Variants in EPB41L3 observed in about 807,000 individuals in gnomAD.
EPB41L3 encodes erythrocyte membrane protein band 4.1 like 3, also known as band 4.1-like protein 3.
Under a neutral mutation model 127.1 loss-of-function variants are expected in EPB41L3, and 57 were observed. The observed-to-expected ratio is 0.45, with a 90% confidence interval of 0.36 to 0.56. EPB41L3 has a LOEUF of 0.56. Among genes scored for constraint, EPB41L3 ranks in the 20% least tolerant of loss-of-function variants. The pLI is 0.00. For missense variants in EPB41L3, 1,273 were observed against 1,372.2 expected, an observed-to-expected ratio of 0.93 and a Z score of 1.14; for synonymous variants, 572 against 549.5, an observed-to-expected ratio of 1.04 and a Z score of -0.57.
chr18:5,596,172 C>G (rs990263064), intron 3 of EPB41L3, among the ~76,000 whole-genome samples: 4 of 152,184 alleles, frequency 2.6e-5, no homozygotes, highest in Non-Finnish European at 5.9e-5. Flanking sequence ...AGCCATATGA[C>G]TTCTGAGAAT....
rs192794254 is a variant in EPB41L3 at position 5,415,185 on chromosome 18, T to C, written c.2067+633A>G. 1.2e-3 allele frequency among the ~76,000 whole-genome samples: 177 copies of C among 152,370 alleles called. 2 individuals are homozygous for C. The highest frequency in any genetic ancestry group is 4.0e-3 in the African/African-American group (166 of 41,592). The stretch of plus-strand genomic sequence containing the variant: ...TGCATGCCGTTGCTTCTGGGCTTGT[T>C]TCTGCCCTTACCAATGGCTGATGTC... On this transcript the variant is annotated intron_variant, in intron 13 of 22. Coordinates refer to ENST00000341928, the MANE Select transcript of EPB41L3 (RefSeq NM_012307.5).
chr18:5,581,660 C>T (rs1250643617), intron 3 of EPB41L3, among the ~76,000 whole-genome samples: 1 of 152,154 alleles, frequency 6.6e-6, no homozygotes, highest in East Asian at 1.9e-4. Context: ...TGCCTTATTC[C>T]ATCAAACATA....
At chr18:5,497,025 T>C (rs1598332725) in intron 1 of EPB41L3, among the ~76,000 whole-genome samples, 1 of 152,004 alleles carries the variant, frequency 6.6e-6, no homozygotes, top group African/African-American at 2.4e-5. Flanking sequence ...GAAGGAAAAA[T>C]TTAACCAGTG....
intron 16 of EPB41L3, among the ~76,000 whole-genome samples, 176 bp downstream of exon 16, chr18:5,406,601 T>C (rs1252002349): frequency 6.6e-6 from 1 of 152,196 alleles, no homozygotes; most frequent in African/African-American, 2.4e-5. Context: ...CCTCAGCCAC[T>C]TTAACCATTT....
At chr18:5,567,154 C>T (rs2094217652) in intron 3 of EPB41L3, 1 of 152,178 alleles carries the variant, frequency 6.6e-6, no homozygotes, top group African/African-American at 2.4e-5. Context: ...CACAGCTCTG[C>T]TGAAGAAAGT....
chr18:5,401,612 C>A (rs2074505063), intron 16 of EPB41L3, among the ~76,000 whole-genome samples: 1 of 152,052 alleles, frequency 6.6e-6, no homozygotes, highest in African/African-American at 2.4e-5. Flanking sequence ...AAAAAATACT[C>A]AATGGCTTTA....
At chr18:5,442,364 C>G (rs2146217047) in intron 5 of EPB41L3, among the ~76,000 whole-genome samples, 1 of 152,288 alleles carries the variant, frequency 6.6e-6, no homozygotes, top group African/African-American at 2.4e-5. Flanking sequence ...AAATTTCCCT[C>G]AAACATACGG....
At chr18:5,417,930 C>T (rs922568371) in intron 12 of EPB41L3, among the ~76,000 whole-genome samples, 2 of 152,134 alleles carry the variant, frequency 1.3e-5, no homozygotes, top group Non-Finnish European at 2.9e-5. Context: ...CCCAGGGGAT[C>T]CCAGCCTGGG....
At chr18:5,528,713 T>G (rs1228488368) in intron 1 of EPB41L3, among the ~76,000 whole-genome samples, 1 of 152,102 alleles carries the variant, frequency 6.6e-6, no homozygotes, top group Admixed American at 6.5e-5. Flanking sequence ...TTCCCATGCC[T>G]CAGCCTCCCA....
At chr18:5,412,220 C>T (rs2144472473) in intron 13 of EPB41L3, among the ~76,000 whole-genome samples, 1 of 152,086 alleles carries the variant, frequency 6.6e-6, no homozygotes, top group East Asian at 1.9e-4. Flanking sequence ...TTTTTTTAGA[C>T]AGGGTCTCGC....
chr18:5,540,958 G>A (rs537190325), intron 1 of EPB41L3, among the ~76,000 whole-genome samples: 2 of 151,840 alleles, frequency 1.3e-5, no homozygotes, highest in South Asian at 2.1e-4. Flanking sequence ...GGTGGCGGGC[G>A]CCTGTAGTCC....
chr18:5,411,178 G>T (rs188633933), intron 13 of EPB41L3, among the ~76,000 whole-genome samples: 2 of 152,214 alleles, frequency 1.3e-5, no homozygotes, highest in Admixed American at 1.3e-4. Context: ...AAAGGCACAT[G>T]CCAGTGACTC....
At chr18:5,620,511 A>T (rs2094848294) in intron 1 of EPB41L3, among the ~76,000 whole-genome samples, 1 of 152,202 alleles carries the variant, frequency 6.6e-6, no homozygotes, top group South Asian at 2.1e-4. Flanking sequence ...GCATTACCTA[A>T]TTCTCTTCTA....
intron 13 of EPB41L3, among the ~76,000 whole-genome samples, chr18:5,411,831 A>C (rs2076235073): frequency 6.6e-6 from 1 of 152,126 alleles, no homozygotes; most frequent in African/African-American, 2.4e-5. Context: ...GGCACTAGCC[A>C]CATGTTTCAT....
At chr18:5,424,170 G>A in intron 10 of EPB41L3, 92 bp downstream of exon 10, 1 of 878,758 alleles carries the variant, frequency 1.1e-6, no homozygotes, top group African/African-American at 1.7e-5. Flanking sequence ...GGGATAGAAA[G>A]AATAAAATTC....
intron 1 of EPB41L3, among the ~76,000 whole-genome samples, chr18:5,500,898 A>C (rs1669337722): frequency 6.6e-6 from 1 of 152,152 alleles, no homozygotes; most frequent in African/African-American, 2.4e-5. Context: ...CAAGGCTTTT[A>C]TCTCTGTGGT....
At chr18:5,502,030 C>CCCTCCTGCCTCCTG (rs149341118) in intron 1 of EPB41L3, among the ~76,000 whole-genome samples, 3 of 151,668 alleles carry the variant, frequency 2.0e-5, no homozygotes, top group Non-Finnish European at 2.9e-5. Context: ...TCGCCATCTT[C>CCCTCCTGCCTCCTG]CCTCCTGCCT....
At chr18:5,409,149 A>C (rs1293873787) in intron 14 of EPB41L3, among the ~76,000 whole-genome samples, 1 of 152,144 alleles carries the variant, frequency 6.6e-6, no homozygotes, top group Non-Finnish European at 1.5e-5. Flanking sequence ...ATTTAAACAC[A>C]GTGCTAATGT....
intron 22 of EPB41L3, 158 bp from the exon 23 acceptor site, chr18:5,393,636 CTT>C: frequency 1.9e-6 from 1 of 515,428 alleles, no homozygotes; most frequent in Non-Finnish European, 3.4e-6. Flanking sequence ...CATGCTTTCT[CTT>C]AAGTAATTAC....
Sources: gnomAD v4.1 joint callset for allele counts (sites outside exome capture counted in the v4.1 genomes callset) on GRCh38, gnomAD v4.1.1 for gene constraint, MANE v1.5 for transcripts, NCBI Gene and HGNC (gene_info 2026-07-23, HGNC 2026-07-21) for gene names.